Variants in EML1 observed in about 807,000 individuals in gnomAD.
EML1 encodes EMAP like 1, also known as echinoderm microtubule-associated protein-like 1.
In EML1, 27 loss-of-function variants were observed where a neutral mutation model predicts 110.4. The ratio of observed to expected loss-of-function variants is 0.24; its 90% CI spans 0.18 to 0.34. The LOEUF (loss-of-function observed/expected upper bound fraction) is 0.34. Ranked by LOEUF, EML1 falls within the 10% of genes least tolerant of loss-of-function variation. EML1 has a pLI of 1.00. For missense variants in EML1, 741 were observed against 1,030.9 expected, an observed-to-expected ratio of 0.72 and a Z score of 3.85; for synonymous variants, 344 against 385.8, an observed-to-expected ratio of 0.89 and a Z score of 1.27.
At chr14:99,871,473 A>G (rs1336753911) in intron 3 of EML1, among the ~76,000 whole-genome samples, 1 of 151,844 alleles carries the variant, frequency 6.6e-6, no homozygotes, top group African/African-American at 2.4e-5. Flanking sequence ...TGATTGTGCT[A>G]CTGCACTCCA....
At chr14:99,871,583 G>A (rs1394662420) in intron 3 of EML1, among the ~76,000 whole-genome samples, 1 of 152,030 alleles carries the variant, frequency 6.6e-6, no homozygotes, top group African/African-American at 2.4e-5. Flanking sequence ...GAACAGGGAA[G>A]TTTGGAAGAA....
At chr14:99,856,996 G>A (rs2139850584) in intron 2 of EML1, among the ~76,000 whole-genome samples, 1 of 152,266 alleles carries the variant, frequency 6.6e-6, no homozygotes, top group Non-Finnish European at 1.5e-5. Context: ...TAATGGCTGG[G>A]CATGGTGGCT....
At chr14:99,894,548 A>C (rs2059640907) in intron 5 of EML1, 81 bp from the exon 6 acceptor site, 1 of 1,434,936 alleles carries the variant, frequency 7.0e-7, no homozygotes, top group African/African-American at 1.4e-5. Flanking sequence ...TTTATACTGA[A>C]AGGCTAGAGA....
intron 17 of EML1, among the ~76,000 whole-genome samples, chr14:99,923,142 A>G (rs1419579346): frequency 1.3e-5 from 2 of 152,088 alleles, no homozygotes; most frequent in South Asian, 2.1e-4. Flanking sequence ...GGGTTTCGCC[A>G]TGTTGCCCAG....
intron 1 of EML1, among the ~76,000 whole-genome samples, chr14:99,739,015 G>A (rs534434989): frequency 2.0e-4 from 31 of 152,184 alleles, no homozygotes; most frequent in Non-Finnish European, 3.4e-4. Flanking sequence ...CAGTGCCAGC[G>A]CCTTGGCCTG....
At chr14:99,741,628 AC>A (rs11361579) in intron 1 of EML1, among the ~76,000 whole-genome samples, 114,002 of 148,294 alleles carry the variant, frequency 0.77, 45,126 homozygotes, top group South Asian at 0.91. Flanking sequence ...TTTTGCGCCC[AC>A]CCCCCCCCAG....
chr14:99,816,443 G>A (rs1200178555), intron 1 of EML1, among the ~76,000 whole-genome samples: 6 of 152,224 alleles, frequency 3.9e-5, no homozygotes, highest in South Asian at 4.1e-4. Flanking sequence ...GATTATAGGC[G>A]TGAGCCACCG....
chr14:99,760,145 T>C (rs1450659369), intron 1 of EML1, among the ~76,000 whole-genome samples: 1 of 146,812 alleles, frequency 6.8e-6, no homozygotes, highest in Non-Finnish European at 1.5e-5. Context: ...ATCACTCCAT[T>C]TGGAAACACC....
chr14:99,772,820 A>G (rs1215523450), upstream of EML1: 2 of 152,218 alleles, frequency 1.3e-5, no homozygotes, highest in Non-Finnish European at 2.9e-5. Context: ...AATTGATTTT[A>G]TGACACATTA....
rs140671950 is a variant in EML1 at position 99,847,256 on chromosome 14, G to A, written c.68-3597G>A. On this transcript the variant is annotated intron_variant, in intron 1 of 21. Coordinates refer to ENST00000262233, the MANE Select transcript of EML1 (RefSeq NM_004434.3). ...ATATGATGTGTCCTGAAAATGTACCGTATGCACTGCTATTGTTAGCTACCG... is the reference window on the plus strand; with the variant it reads ...ATATGATGTGTCCTGAAAATGTACCATATGCACTGCTATTGTTAGCTACCG... Among the ~76,000 whole-genome samples the A allele has an allele frequency of 4.8e-3, 724 of 152,230 alleles. 14 individuals carry two copies. Among genetic ancestry groups the A allele is most frequent in the African/African-American group, 0.016 (662 of 41,540 alleles).
At chr14:99,741,122 C>A (rs1245020570) in intron 1 of EML1, among the ~76,000 whole-genome samples, 1 of 152,218 alleles carries the variant, frequency 6.6e-6, no homozygotes. Context: ...AGCTCTGTGG[C>A]CTCGGGTGAG....
At chr14:99,824,064 C>T (rs925233759) in intron 1 of EML1, among the ~76,000 whole-genome samples, 3 of 152,172 alleles carry the variant, frequency 2.0e-5, no homozygotes, top group African/African-American at 7.2e-5. Context: ...TGAAGGGATT[C>T]TCCTGCCTTA....
intron 1 of EML1, among the ~76,000 whole-genome samples, chr14:99,799,946 T>G (rs1222816583): frequency 6.6e-6 from 1 of 152,326 alleles, no homozygotes; most frequent in Middle Eastern, 3.4e-3. Flanking sequence ...TCCAAGGACT[T>G]AAAATCAGTG....
At chr14:99,873,118 C>G (rs2059232445) in intron 3 of EML1, among the ~76,000 whole-genome samples, 1 of 152,128 alleles carries the variant, frequency 6.6e-6, no homozygotes, top group South Asian at 2.1e-4. Flanking sequence ...GATGCGGAGG[C>G]TGACAATGGA....
At chr14:99,854,687 C>T (rs996153866) in intron 2 of EML1, among the ~76,000 whole-genome samples, 11 of 152,162 alleles carry the variant, frequency 7.2e-5, no homozygotes, top group Admixed American at 6.5e-5. Flanking sequence ...TGTGGTGAAC[C>T]TCAGCCCATA....
chr14:99,915,386 T>C (rs10135832), intron 15 of EML1: 14,783 of 134,616 alleles, frequency 0.11, 790 homozygotes, highest in Middle Eastern at 0.17. Context: ...CACTCCAGCC[T>C]GGGCAACAAG....
chr14:99,806,316 C>CTTTTTTTT (rs1198890041), intron 1 of EML1, among the ~76,000 whole-genome samples: 1 of 87,754 alleles, frequency 1.1e-5, no homozygotes, highest in Non-Finnish European at 2.1e-5. Context: ...TCTCCAGAAT[C>CTTTTTTTT]TTTTTTTTTT....
At chr14:99,821,843 G>A (rs982601756) in intron 1 of EML1, among the ~76,000 whole-genome samples, 1 of 152,176 alleles carries the variant, frequency 6.6e-6, no homozygotes, top group African/African-American at 2.4e-5. Context: ...CTAATATGTC[G>A]GTTTTATAAT....
At chr14:99,867,328 A>G (rs902939157) in intron 3 of EML1, among the ~76,000 whole-genome samples, 1 of 152,128 alleles carries the variant, frequency 6.6e-6, no homozygotes, top group African/African-American at 2.4e-5. Flanking sequence ...GATATTCCAT[A>G]TGAATTTTAG....
Sources: gnomAD v4.1 joint callset for allele counts (sites outside exome capture counted in the v4.1 genomes callset) on GRCh38, gnomAD v4.1.1 for gene constraint, MANE v1.5 for transcripts, NCBI Gene and HGNC (gene_info 2026-07-23, HGNC 2026-07-21) for gene names.